Variants in SGPP2 observed in about 807,000 individuals in gnomAD.
SGPP2 encodes the protein sphingosine-1-phosphate phosphatase 2.
In SGPP2, 30 loss-of-function variants were observed where a neutral mutation model predicts 33.9. The ratio of observed to expected loss-of-function variants is 0.89; its 90% confidence interval spans 0.66 to 1.20. SGPP2 has a LOEUF of 1.20. SGPP2 is among the 50% of genes most tolerant of loss of function. The probability of loss-of-function intolerance (pLI) is 0.00; values close to 1 mark genes in which losing one functional copy is unlikely to be tolerated. For synonymous variants in SGPP2, 233 were observed against 225.0 expected (o/e 1.04, Z -0.32); for missense variants, 458 against 532.1 (o/e 0.86, Z 1.37).
intron 4 of SGPP2, among the ~76,000 whole-genome samples, chr2:222,557,352 T>G (rs891009319): frequency 6.6e-6 from 1 of 152,232 alleles, no homozygotes; most frequent in Non-Finnish European, 1.5e-5. Flanking sequence ...TGCCCACTAA[T>G]CTGTGAAACT....
chr2:222,525,485 C>A (rs1698744941), intron 4 of SGPP2, among the ~76,000 whole-genome samples: 1 of 152,184 alleles, frequency 6.6e-6, no homozygotes, highest in Non-Finnish European at 1.5e-5. Flanking sequence ...GGTATCACGG[C>A]TTTGCTTCCT....
chr2:222,550,002 G>A lies in SGPP2; in HGVS notation c.649-8345G>A, dbSNP rs1213096385. Among the ~76,000 whole-genome samples, 1 of 151,302 alleles carries A rather than the reference G, an allele frequency of 6.6e-6. No individual in the cohort carries two copies. Among genetic ancestry groups the A allele is most frequent in the East Asian group, 1.9e-4 (1 of 5,134 alleles). The stretch of plus-strand genomic sequence containing the variant: ...AGCAATTCCCCTGCCTCAGCCTCCT[G>A]AGTAGCTGGAACTACAGGCACGCGC... On this transcript the variant is annotated intron_variant, in intron 4 of 4. Transcript: ENST00000321276. The surrounding 1 kb of genome is among the most constrained non-coding windows in gnomAD (Gnocchi z 4.5).
intron 2 of SGPP2, among the ~76,000 whole-genome samples, chr2:222,499,562 T>C (rs1312376219): frequency 6.6e-6 from 1 of 151,984 alleles, no homozygotes; most frequent in Admixed American, 6.6e-5. Flanking sequence ...TGAAGCCTTA[T>C]TGCCAAAGAG....
At chr2:222,474,810 CTTTCTT>C (rs1697905152) in intron 2 of SGPP2, 84 bp downstream of exon 2, 2 of 868,024 alleles carry the variant, frequency 2.3e-6, no homozygotes, top group African/African-American at 2.6e-5. Flanking sequence ...CAAATATGTT[CTTTCTT>C]TTTTTTTTTT....
chr2:222,495,429 A>C (rs975034727), intron 2 of SGPP2, among the ~76,000 whole-genome samples: 2 of 151,340 alleles, frequency 1.3e-5, no homozygotes, highest in East Asian at 3.9e-4. Context: ...AATAAAAATT[A>C]AAAAAAAATC....
intron 2 of SGPP2, among the ~76,000 whole-genome samples, chr2:222,489,246 A>T (rs1698160497): frequency 6.6e-6 from 1 of 152,198 alleles, no homozygotes; most frequent in Admixed American, 6.5e-5. Context: ...GGTTTCTTAA[A>T]CAAATTCTGC....
chr2:222,437,565 A>G (rs1416205500), intron 1 of SGPP2, among the ~76,000 whole-genome samples: 2 of 152,160 alleles, frequency 1.3e-5, no homozygotes, highest in Admixed American at 1.3e-4. Flanking sequence ...AGTGGAGACC[A>G]TGGGCATTTG....
chr2:222,438,642 G>A (rs1429108286), intron 1 of SGPP2, among the ~76,000 whole-genome samples: 9 of 152,342 alleles, frequency 5.9e-5, no homozygotes, highest in Admixed American at 3.9e-4. Flanking sequence ...GTCTGGTACA[G>A]CAACTGCAAT....
In SGPP2 at chr2:222,549,883, C is replaced by CTT. The variant is rs751034613; in HGVS notation, c.649-8451_649-8450dup. ...TATGCTTTTTCTTTTCTTTTCTTTT[C>CTT]TTTTTTTTTTTTTTGAGACAGTCTC... On this transcript the variant is annotated intron_variant, in intron 4 of 4. Transcript: ENST00000321276. Among the ~76,000 whole-genome samples the CTT allele has an allele frequency of 9.1e-3, 1,252 of 137,628 alleles. 14 individuals carry two copies. The highest frequency in any genetic ancestry group is 0.026 in the African/African-American group (979 of 37,762). 90.3% of individuals were successfully genotyped at this position (137,628 alleles called of 152,430 possible).
At chr2:222,492,625 C>T (rs1365984707) in intron 2 of SGPP2, among the ~76,000 whole-genome samples, 8 of 152,352 alleles carry the variant, frequency 5.3e-5, no homozygotes, top group Non-Finnish European at 7.3e-5. Context: ...GCTCTGGAGA[C>T]GTTTTCCCTG....
chr2:222,540,565 C>T (rs538884838), intron 4 of SGPP2, among the ~76,000 whole-genome samples: 12 of 152,136 alleles, frequency 7.9e-5, no homozygotes, highest in Non-Finnish European at 1.5e-4. Flanking sequence ...TATACATTCT[C>T]CCCCAGCACA....
intron 2 of SGPP2, among the ~76,000 whole-genome samples, chr2:222,489,417 A>G (rs942648278): frequency 1.3e-5 from 2 of 152,054 alleles, no homozygotes; most frequent in African/African-American, 4.8e-5. Context: ...GTATTAAGAA[A>G]AAAAAAAAAA....
chr2:222,557,227 C>T (rs1037837197), intron 4 of SGPP2, among the ~76,000 whole-genome samples: 12 of 152,146 alleles, frequency 7.9e-5, no homozygotes, highest in East Asian at 1.9e-4. Context: ...TTTACCAGAC[C>T]GTGAGGTCCA....
chr2:222,454,297 G>A lies in SGPP2; in HGVS notation c.220-20271G>A, dbSNP rs76214987. 7.2e-3 allele frequency among the ~76,000 whole-genome samples: 1,097 copies of A among 152,268 alleles called. 11 individuals carry two copies. Among genetic ancestry groups the A allele is most frequent in the African/African-American group, 0.025 (1,044 of 41,546 alleles). On this transcript the variant is annotated intron_variant, in intron 1 of 4. Transcript: ENST00000321276. ...ACTCAGGTGGCTCTTGAGAGATGCT[G>A]TTCCCATTGCTGATGTTCAGTGTTT...
At chr2:222,548,127 T>C (rs562965733) in intron 4 of SGPP2, among the ~76,000 whole-genome samples, 2 of 152,354 alleles carry the variant, frequency 1.3e-5, no homozygotes, top group African/African-American at 4.8e-5. Context: ...GATAAAAATC[T>C]ACCAGCTAAC....
chr2:222,489,909 G>T (rs1698171480), intron 2 of SGPP2, among the ~76,000 whole-genome samples: 2 of 152,120 alleles, frequency 1.3e-5, no homozygotes, highest in South Asian at 4.2e-4. Flanking sequence ...AGGTTGCAGT[G>T]AGCCGAGATC....
At chr2:222,425,449 C>A (rs1222380059) in intron 1 of SGPP2, among the ~76,000 whole-genome samples, 1 of 152,196 alleles carries the variant, frequency 6.6e-6, no homozygotes, top group African/African-American at 2.4e-5. Context: ...TTTTATGGAC[C>A]GACACCAGTG....
chr2:222,494,448 A>C (rs1259201347), intron 2 of SGPP2, among the ~76,000 whole-genome samples: 1 of 152,228 alleles, frequency 6.6e-6, no homozygotes, highest in Non-Finnish European at 1.5e-5. Flanking sequence ...AGAAATGGGT[A>C]ATGAGACTGA....
At chr2:222,549,293 A>G (rs1210258642) in intron 4 of SGPP2, among the ~76,000 whole-genome samples, 1 of 152,220 alleles carries the variant, frequency 6.6e-6, no homozygotes, top group Non-Finnish European at 1.5e-5. Flanking sequence ...GGCCTGTTCA[A>G]TAGCATTCTT....
Sources: allele counts gnomAD v4.1 joint callset (sites outside exome capture counted in the v4.1 genomes callset), GRCh38; gene constraint gnomAD v4.1.1; non-coding constraint Gnocchi (gnomAD v3.1); transcripts MANE v1.5; gene names NCBI Gene and HGNC (gene_info 2026-07-23, HGNC 2026-07-21).